Variants in SPTA1 observed in about 807,000 individuals in gnomAD.
The protein encoded by SPTA1 is spectrin alpha, erythrocytic 1, also known as spectrin alpha chain, erythrocytic 1.
SPTA1 carries 177 observed loss-of-function variants against 324.7 expected under a neutral mutation model. That is an observed-to-expected ratio of 0.55 (90% CI 0.48 to 0.62). The LOEUF (loss-of-function observed/expected upper bound fraction) is 0.62. SPTA1 is among the 20% of genes least tolerant of loss of function. SPTA1 has a pLI of 0.00. For missense variants in SPTA1, 3,162 were observed against 2,883.6 expected, an observed-to-expected ratio of 1.10 and a Z score of -2.21; for synonymous variants, 1,195 against 1,041.3, an observed-to-expected ratio of 1.15 and a Z score of -2.84.
rs779242030 is a variant in SPTA1, at chr1:158,683,475, A to T, written c.286T>A (p.Ser96Thr). Residue 96 changes from serine to threonine, a missense_variant, in exon 3 of 52, where the codon TCC (serine) becomes ACC (threonine). Physicochemically the swap from Ser to Thr is moderately conservative, Grantham distance 58. Coordinates refer to ENST00000643759, the MANE Select transcript of SPTA1 (RefSeq NM_003126.4). The stretch of plus-strand genomic sequence containing the variant: ...TTTGTTTGCACCTCTGCTTCAAGGG[A>T]TTGATGCTTCTGATATTTCCCCTAA... ...NIQGKYQKHQSLEAEVQTKSR... is the reference protein window; with the variant it reads ...NIQGKYQKHQTLEAEVQTKSR... 6.2e-7 allele frequency: 1 copy of T among 1,612,876 alleles called. No individual in the cohort carries two copies.
chr1:158,638,614 A>G (rs1651278007), intron 35 of SPTA1, among the ~76,000 whole-genome samples: 1 of 151,926 alleles, frequency 6.6e-6, no homozygotes, highest in Non-Finnish European at 1.5e-5. Context: ...TCAGGAGTTC[A>G]AGACCACTGT....
At chr1:158,626,723 G>C in intron 41 of SPTA1, 116 bp downstream of exon 41, 1 of 1,281,726 alleles carries the variant, frequency 7.8e-7, no homozygotes, top group Non-Finnish European at 1.1e-6. Flanking sequence ...ATAGGAATGG[G>C]TAGTGATGGA....
At chr1:158,645,843 G>C (rs920160661) in intron 27 of SPTA1, among the ~76,000 whole-genome samples, 50 of 152,110 alleles carry the variant, frequency 3.3e-4, no homozygotes, top group African/African-American at 1.2e-3. Context: ...CAGAGATTCC[G>C]GGAATTTTTT....
chr1:158,652,899 A>G (rs1179290700), intron 22 of SPTA1, among the ~76,000 whole-genome samples: 1 of 152,210 alleles, frequency 6.6e-6, no homozygotes, highest in African/African-American at 2.4e-5. Flanking sequence ...ATGACTGGCA[A>G]CATTCCTTTC....
At chr1:158,658,892 G>A (rs577351867) in intron 18 of SPTA1, among the ~76,000 whole-genome samples, 146 of 152,234 alleles carry the variant, frequency 9.6e-4, no homozygotes, top group African/African-American at 3.4e-3. Flanking sequence ...AATTTTATAT[G>A]TAGTGAAAAT....
At chr1:158,682,938 A>G (rs1012767308) in intron 3 of SPTA1, among the ~76,000 whole-genome samples, 3 of 152,156 alleles carry the variant, frequency 2.0e-5, no homozygotes, top group African/African-American at 7.2e-5. Context: ...GGTGTATGAA[A>G]AGAAAGAGGC....
At chr1:158,674,718 T>C (rs753106691) in intron 8 of SPTA1, 43 bp from the exon 9 acceptor site, 1 of 1,609,928 alleles carries the variant, frequency 6.2e-7, no homozygotes, top group Non-Finnish European at 8.5e-7. Flanking sequence ...AGAAACCAGA[T>C]ATGAAAGGAC....
intron 23 of SPTA1, among the ~76,000 whole-genome samples, 196 bp from the exon 24 acceptor site, chr1:158,651,664 G>C (rs1378989965): frequency 6.6e-6 from 1 of 152,010 alleles, no homozygotes; most frequent in African/African-American, 2.4e-5. Context: ...TCCAAAACTT[G>C]TCAAGATAAC....
At chr1:158,662,983 C>A (rs1460088741) in intron 16 of SPTA1, 38 bp from the exon 17 acceptor site, 7 of 1,612,776 alleles carry the variant, frequency 4.3e-6, no homozygotes, top group South Asian at 2.2e-5. Context: ...GAAATCCCAT[C>A]ATTTAGTAGG....
chr1:158,676,434 A>G lies in SPTA1; in HGVS notation c.958-139T>C, dbSNP rs137992613. 1,504 of 834,682 alleles carry G rather than the reference A, an allele frequency of 1.8e-3. 17 individuals carry two copies. In the African/African-American group the frequency reaches 0.023, roughly 13 times the overall value. The allele number at this position is 834,682 out of a possible 1,614,324, so 51.7% of individuals were successfully genotyped here. A position where few individuals can be genotyped will look rare whatever the true frequency, so the allele number is the denominator to read the frequency against. ...CATATGAATAGATTTCTATTAATAT[A>G]CTAATGTACTACATTGATAATTACA... On this transcript the variant is annotated intron_variant, in intron 7 of 51. Transcript: ENST00000643759.
intron 18 of SPTA1, among the ~76,000 whole-genome samples, chr1:158,658,828 G>T (rs1021464254): frequency 7.9e-5 from 12 of 152,112 alleles, no homozygotes; most frequent in African/African-American, 2.7e-4. Flanking sequence ...TGCAAAGTCA[G>T]AAGACAAGAC....
chr1:158,646,499 C>A (rs1294032546), intron 27 of SPTA1, among the ~76,000 whole-genome samples: 1 of 151,810 alleles, frequency 6.6e-6, no homozygotes, highest in African/African-American at 2.4e-5. Context: ...AAACAAAAAA[C>A]AAACAAAAAA....
intron 25 of SPTA1, 81 bp downstream of exon 25, chr1:158,649,775 T>C (rs1652281889): frequency 4.3e-6 from 5 of 1,164,102 alleles, no homozygotes; most frequent in Admixed American, 3.7e-5. Context: ...GATTATACTA[T>C]GGTTCCACCA....
intron 17 of SPTA1, among the ~76,000 whole-genome samples, chr1:158,662,304 T>C (rs1218653587): frequency 5.9e-5 from 9 of 152,206 alleles, no homozygotes; most frequent in Admixed American, 5.9e-4. Context: ...ATGTGCTTTA[T>C]CTGCTACTTC....
At chr1:158,611,581 C>A (rs1420965230) in intron 51 of SPTA1, 192 bp from the exon 52 acceptor site, 2 of 552,942 alleles carry the variant, frequency 3.6e-6, no homozygotes, top group Non-Finnish European at 6.2e-6. Flanking sequence ...TTAATCTCAG[C>A]CCTTTCTTGA....
Position 158,657,455 on chromosome 1 carries a change from G to A in SPTA1, c.2805+22C>T, listed in dbSNP as rs78192592. 1.4e-4 allele frequency: 217 copies of A among 1,597,308 alleles called. 1 individual carries two copies. In the East Asian group the frequency reaches 4.7e-3, roughly 35 times the overall value. On this transcript the variant is annotated intron_variant, in intron 19 of 51. Transcript: ENST00000643759. Reference sequence around the variant, plus strand: ...GTTGCGTTTGTTGAGGATTCACAATGTTAAACCCACCCCCACCTTACCCCA... The same window carrying A: ...GTTGCGTTTGTTGAGGATTCACAATATTAAACCCACCCCCACCTTACCCCA...
chr1:158,625,434 T>C (rs985155732), intron 42 of SPTA1, among the ~76,000 whole-genome samples: 3 of 152,070 alleles, frequency 2.0e-5, no homozygotes, highest in Non-Finnish European at 4.4e-5. Flanking sequence ...GTTGGTAATA[T>C]AAACCACTGC....
At position 158,686,610 on chromosome 1, in the gene SPTA1, A is replaced by C; in HGVS notation, c.-93T>G. The C allele has an allele frequency of 9.8e-6, 10 of 1,022,760 alleles. No individual in the cohort carries two copies. In the Admixed American group the frequency reaches 1.8e-4, roughly 18 times the overall value. The allele number at this position is 1,022,760 out of a possible 1,614,324, so 63.4% of individuals were successfully genotyped here. On this transcript the variant is annotated 5_prime_UTR_variant, in exon 1 of 52. The change creates a new upstream start codon in the 5' untranslated region. Coordinates refer to ENST00000643759, the MANE Select transcript of SPTA1 (RefSeq NM_003126.4). The stretch of plus-strand genomic sequence containing the variant: ...AAATGGAACTGTCCAGTCGAATTCA[A>C]ATAGAAATATAGAAACGTTAAGTAT...
chr1:158,677,907 A>C (rs1339610990), intron 6 of SPTA1, 73 bp from the exon 7 acceptor site: 42 of 1,584,908 alleles, frequency 2.7e-5, no homozygotes, highest in Non-Finnish European at 3.2e-5. Flanking sequence ...AACAGAACTC[A>C]CAGCAAGGAC....
Sources: allele counts gnomAD v4.1 joint callset (sites outside exome capture counted in the v4.1 genomes callset), GRCh38; gene constraint gnomAD v4.1.1; transcripts MANE v1.5; gene names NCBI Gene and HGNC (gene_info 2026-07-23, HGNC 2026-07-21).